NAB1: variants seen among roughly 807,000 people sequenced by gnomAD.
NAB1 encodes the protein NGFI-A-binding protein 1.
NAB1 carries 25 observed loss-of-function variants against 49.9 expected under a neutral mutation model. The observed-to-expected ratio is 0.50, with a 90% CI of 0.37 to 0.70. NAB1 has a LOEUF of 0.70. Ranked by LOEUF, NAB1 falls within the 30% of genes least tolerant of loss-of-function variation. The pLI, the probability that NAB1 is intolerant of heterozygous loss-of-function variation, is 0.00. For missense variants in NAB1, 489 were observed against 575.9 expected, an observed-to-expected ratio of 0.85 and a Z score of 1.54; for synonymous variants, 198 against 215.6, an observed-to-expected ratio of 0.92 and a Z score of 0.71.
At chr2:190,688,742 A>G (rs1461906033) in intron 9 of NAB1, among the ~76,000 whole-genome samples, 1 of 152,110 alleles carries the variant, frequency 6.6e-6, no homozygotes, top group Non-Finnish European at 1.5e-5. Context: ...AAATGCCTGA[A>G]AAAGCGTCTT....
chr2:190,683,944 T>C (rs527482584), intron 7 of NAB1, 117 bp downstream of exon 7: 96 of 798,708 alleles, frequency 1.2e-4, no homozygotes, highest in Non-Finnish European at 1.8e-4. Context: ...TTTCCGTTTG[T>C]TTTTTAAAAC....
Position 190,677,807 on chromosome 2 carries a change from C to G in NAB1, c.1005+4655C>G, listed in dbSNP as rs1048648026. On this transcript the variant is annotated intron_variant, in intron 6 of 9. Coordinates refer to ENST00000337386, the MANE Select transcript of NAB1 (RefSeq NM_005966.4). This position sits in a 1 kb window ranked among gnomAD's most constrained non-coding sequence, Gnocchi z 5.6. ...CAGAGCCGGGGCTTCCTATCTATGT[C>G]TGATTCCTGAATGTCAAAGCAGTAC... Among the ~76,000 whole-genome samples, 4 of 152,114 alleles carry G rather than the reference C, an allele frequency of 2.6e-5. No individual in the cohort carries two copies. Among genetic ancestry groups the G allele is most frequent in the African/African-American group, 9.7e-5 (4 of 41,404 alleles).
rs1399380653 is a variant in NAB1 at position 190,666,970 on chromosome 2, T to C, written c.820-3356T>C. The stretch of plus-strand genomic sequence containing the variant: ...GTAATTATATCATGATAGTTATTGA[T>C]GTGTTCATTATTAGCAGCTAGGGAG... On this transcript the variant is annotated intron_variant, in intron 4 of 9. Transcript: ENST00000337386. This position sits in a 1 kb window ranked among gnomAD's most constrained non-coding sequence, Gnocchi z 5.6. Among the ~76,000 whole-genome samples, 1 of 152,232 alleles carries C rather than the reference T, an allele frequency of 6.6e-6. No homozygotes were observed. Among genetic ancestry groups the C allele is most frequent in the Non-Finnish European group, 1.5e-5 (1 of 68,038 alleles).
rs540291772 is a variant in NAB1 at position 190,674,340 on chromosome 2, A to T, written c.1005+1188A>T. On this transcript the variant is annotated intron_variant, in intron 6 of 9. Transcript: ENST00000337386. This position sits in a 1 kb window ranked among gnomAD's most constrained non-coding sequence, Gnocchi z 5.7. ...CAAACTCATTTATGCCTCAACACTC[A>T]CTGTTTTCCCCCTACCTAGACTTCT... Among the ~76,000 whole-genome samples the T allele has an allele frequency of 1.3e-5, 2 of 152,122 alleles. No homozygotes were observed. The highest frequency in any genetic ancestry group is 3.9e-4 in the East Asian group (2 of 5,176).
chr2:190,673,440 G>C (rs1694920139), intron 6 of NAB1, among the ~76,000 whole-genome samples: 1 of 152,116 alleles, frequency 6.6e-6, no homozygotes, highest in African/African-American at 2.4e-5. Flanking sequence ...GGGCTCAAGT[G>C]ATCCTCCCTC....
rs1426385488 is a variant in NAB1, at chr2:190,686,070, C to G, written c.1258+432C>G. Among the ~76,000 whole-genome samples, 1 of 152,210 alleles carries G rather than the reference C, an allele frequency of 6.6e-6. No individual in the cohort carries two copies. Among genetic ancestry groups the G allele is most frequent in the Non-Finnish European group, 1.5e-5 (1 of 68,038 alleles). On this transcript the variant is annotated intron_variant, in intron 8 of 9. Transcript: ENST00000337386. The surrounding 1 kb of genome is among the most constrained non-coding windows in gnomAD (Gnocchi z 5.5). ...GGTGACTGCATCTAAAGTGTTATGA[C>G]AGAGTACAGCTCAGGTTTAGAAAGC...
chr2:190,662,705 A>G (rs1694289597), intron 4 of NAB1, among the ~76,000 whole-genome samples: 1 of 152,234 alleles, frequency 6.6e-6, no homozygotes, highest in South Asian at 2.1e-4. Flanking sequence ...GCAATAGAGA[A>G]TGTAGAAACT....
Position 190,649,955 on chromosome 2 carries a change from G to A in NAB1, c.-224G>A, listed in dbSNP as rs1693573161. ...GCCGATGAGGAATTTGGAAACACAT[G>A]TGGGACATACAAGCGTTGGATATAG... On this transcript the variant is annotated 5_prime_UTR_variant, in exon 2 of 10. In the 5' UTR this introduces an upstream ATG that the reference lacks. Coordinates refer to ENST00000337386, the MANE Select transcript of NAB1 (RefSeq NM_005966.4). This position sits in a 1 kb window ranked among gnomAD's most constrained non-coding sequence, Gnocchi z 6.1. The A allele has an allele frequency of 6.6e-6, 1 of 152,264 alleles. No individual in the cohort carries two copies. Among genetic ancestry groups the A allele is most frequent in the Admixed American group, 6.5e-5 (1 of 15,288 alleles). 9.4% of individuals were successfully genotyped at this position (152,264 alleles called of 1,614,324 possible). A position where few individuals can be genotyped will look rare whatever the true frequency, so the allele number is the denominator to read the frequency against.
chr2:190,683,144 T>C (rs1044938997), intron 6 of NAB1, among the ~76,000 whole-genome samples: 1 of 152,046 alleles, frequency 6.6e-6, no homozygotes, highest in African/African-American at 2.4e-5. Context: ...TTTATCACCC[T>C]TTGTCACCCA....
Position 190,670,527 on chromosome 2 carries a change from A to G in NAB1, c.953+68A>G, listed in dbSNP as rs74601328. ...AGAAGTAGAGTTCGAAACATCATCTATTGATAGAATATAAGCATTTCTGAA... is the reference window on the plus strand; with the variant it reads ...AGAAGTAGAGTTCGAAACATCATCTGTTGATAGAATATAAGCATTTCTGAA... On this transcript the variant is annotated intron_variant, in intron 5 of 9. Coordinates refer to ENST00000337386, the MANE Select transcript of NAB1 (RefSeq NM_005966.4). This position sits in a 1 kb window ranked among gnomAD's most constrained non-coding sequence, Gnocchi z 5.3. 4,412 of 1,486,824 alleles carry G rather than the reference A, an allele frequency of 3.0e-3. 96 individuals are homozygous for G. The East Asian group carries it at 0.049, about 16-fold the overall frequency. 92.1% of individuals were successfully genotyped at this position (1,486,824 alleles called of 1,614,324 possible). A position where few individuals can be genotyped will look rare whatever the true frequency, so the allele number is the denominator to read the frequency against.
At position 190,689,073 on chromosome 2, in the gene NAB1, G is replaced by A. The variant is rs550970474; in HGVS notation, c.1376-1172G>A. 1.5e-3 allele frequency among the ~76,000 whole-genome samples: 234 copies of A among 152,120 alleles called. 2 individuals are homozygous for A. Among genetic ancestry groups the A allele is most frequent in the African/African-American group, 5.4e-3 (226 of 41,498 alleles). On this transcript the variant is annotated intron_variant, in intron 9 of 9. Coordinates refer to ENST00000337386, the MANE Select transcript of NAB1 (RefSeq NM_005966.4). The surrounding 1 kb of genome is among the most constrained non-coding windows in gnomAD (Gnocchi z 4.3). Reference sequence around the variant, plus strand: ...AATCTCCTGACCTTGTGATCCGCCCGCCTCGGCCCCACAAAGTGCTGGGAT... The same window carrying A: ...AATCTCCTGACCTTGTGATCCGCCCACCTCGGCCCCACAAAGTGCTGGGAT...
Position 190,666,465 on chromosome 2 carries a change from G to T in NAB1, c.820-3861G>T, listed in dbSNP as rs555498351. Reference sequence around the variant, plus strand: ...CTCACGCCTGTAATCCCAGCACTTTGGGAGGCCAAGGTGGGTGGATTGCTT... The same window carrying T: ...CTCACGCCTGTAATCCCAGCACTTTTGGAGGCCAAGGTGGGTGGATTGCTT... On this transcript the variant is annotated intron_variant, in intron 4 of 9. Transcript: ENST00000337386. This position sits in a 1 kb window ranked among gnomAD's most constrained non-coding sequence, Gnocchi z 5.6. Among the ~76,000 whole-genome samples, 1 of 152,296 alleles carries T rather than the reference G, an allele frequency of 6.6e-6. No individual in the cohort carries two copies. The highest frequency in any genetic ancestry group is 2.1e-4 in the South Asian group (1 of 4,824).
Position 190,670,294 on chromosome 2 carries a change from C to A in NAB1, c.820-32C>A. Reference sequence around the variant, plus strand: ...TGCATTTTGATGAAATTAAAATGTTCTTAATTTTGAAACTCTGTTTTGGAT... The same window carrying A: ...TGCATTTTGATGAAATTAAAATGTTATTAATTTTGAAACTCTGTTTTGGAT... On this transcript the variant is annotated intron_variant, in intron 4 of 9. Coordinates refer to ENST00000337386, the MANE Select transcript of NAB1 (RefSeq NM_005966.4). This position sits in a 1 kb window ranked among gnomAD's most constrained non-coding sequence, Gnocchi z 5.3. 6.4e-7 allele frequency: 1 copy of A among 1,569,756 alleles called. No individual in the cohort carries two copies. Among genetic ancestry groups the A allele is most frequent in the Non-Finnish European group, 8.6e-7 (1 of 1,160,094 alleles).
In NAB1 at chr2:190,654,891, A is replaced by G. The variant is rs183945545; in HGVS notation, c.-196-1086A>G. On this transcript the variant is annotated intron_variant, in intron 2 of 9. Transcript: ENST00000337386. This position sits in a 1 kb window ranked among gnomAD's most constrained non-coding sequence, Gnocchi z 5.6. ...TTAAATCCGGGAAACTGAAAGACCA[A>G]TGGTGCAACTGAAAGAACTAAGAGA... 3.9e-5 allele frequency among the ~76,000 whole-genome samples: 6 copies of G among 152,320 alleles called. No individual in the cohort carries two copies. Among genetic ancestry groups the G allele is most frequent in the South Asian group, 2.1e-4 (1 of 4,828 alleles).
chr2:190,666,998 T>A lies in NAB1; in HGVS notation c.820-3328T>A, dbSNP rs1694556282. ...GTTCATTATTAGCAGCTAGGGAGCA[T>A]GAAATCTAGGTAACTCTGACAGAAC... is the stretch of plus-strand genomic sequence containing the variant. On this transcript the variant is annotated intron_variant, in intron 4 of 9. Coordinates refer to ENST00000337386, the MANE Select transcript of NAB1 (RefSeq NM_005966.4). This position sits in a 1 kb window ranked among gnomAD's most constrained non-coding sequence, Gnocchi z 5.6. 6.6e-6 allele frequency among the ~76,000 whole-genome samples: 1 copy of A among 152,192 alleles called. No homozygotes were observed. The highest frequency in any genetic ancestry group is 1.5e-5 in the Non-Finnish European group (1 of 68,024).
intron 4 of NAB1, among the ~76,000 whole-genome samples, chr2:190,664,848 G>T (rs6708151): frequency 0.75 from 113,489 of 151,554 alleles, 43,192 homozygotes; most frequent in East Asian, 0.92. Flanking sequence ...AGTCAGACAT[G>T]CTTTGTTTTT....
Position 190,666,187 on chromosome 2 carries a change from C to T in NAB1, c.820-4139C>T, listed in dbSNP as rs1010450186. 1.3e-5 allele frequency among the ~76,000 whole-genome samples: 2 copies of T among 152,072 alleles called. No individual in the cohort carries two copies. Among genetic ancestry groups the T allele is most frequent in the African/African-American group, 4.8e-5 (2 of 41,396 alleles). On this transcript the variant is annotated intron_variant, in intron 4 of 9. Coordinates refer to ENST00000337386, the MANE Select transcript of NAB1 (RefSeq NM_005966.4). The surrounding 1 kb of genome is among the most constrained non-coding windows in gnomAD (Gnocchi z 5.6). ...GGCCAGTAATGGTACCTAGCCCTCC[C>T]AGTGCTGGAAATGAAAGTCCTGATT...
At chr2:190,661,655 G>A (rs1207752480) in intron 4 of NAB1, among the ~76,000 whole-genome samples, 1 of 152,068 alleles carries the variant, frequency 6.6e-6, no homozygotes, top group Non-Finnish European at 1.5e-5. Context: ...TGCCTCTTTA[G>A]ATAAGTAGGT....
In NAB1 at chr2:190,654,214, C is replaced by G. The variant is rs1328131942; in HGVS notation, c.-196-1763C>G. ...CAGTGACTTGTTCTGCAGAGCCAGG[C>G]AGGTTGCCTTCCTTGTGCCATGACT... On this transcript the variant is annotated intron_variant, in intron 2 of 9. Coordinates refer to ENST00000337386, the MANE Select transcript of NAB1 (RefSeq NM_005966.4). This position sits in a 1 kb window ranked among gnomAD's most constrained non-coding sequence, Gnocchi z 5.6. Among the ~76,000 whole-genome samples the G allele has an allele frequency of 2.6e-5, 4 of 152,198 alleles. No homozygotes were observed. The highest frequency in any genetic ancestry group is 5.9e-5 in the Non-Finnish European group (4 of 68,016).
Sources: gnomAD v4.1 joint callset for allele counts (sites outside exome capture counted in the v4.1 genomes callset) on GRCh38, gnomAD v4.1.1 for gene constraint, Gnocchi (gnomAD v3.1) non-coding constraint, MANE v1.5 for transcripts, NCBI Gene and HGNC (gene_info 2026-07-23, HGNC 2026-07-21) for gene names.